SLC2A9: variants seen among roughly 807,000 people sequenced by gnomAD.
SLC2A9 encodes solute carrier family 2 member 9, also known as solute carrier family 2, facilitated glucose transporter member 9.
A neutral mutation model predicts 50.6 loss-of-function variants in SLC2A9; 39 were observed. The observed-to-expected ratio is 0.77, with a 90% CI of 0.60 to 1.01. The LOEUF (loss-of-function observed/expected upper bound fraction) is 1.01. SLC2A9 is among the 50% of genes least tolerant of loss of function. The pLI, the probability that SLC2A9 is intolerant of heterozygous loss-of-function variation, is 0.00. For synonymous variants in SLC2A9, 324 were observed against 276.9 expected (o/e 1.17, Z -1.69); for missense variants, 686 against 677.6 (o/e 1.01, Z -0.14).
At chr4:9,876,488 G>A (rs1284488974) in intron 10 of SLC2A9, among the ~76,000 whole-genome samples, 1 of 152,178 alleles carries the variant, frequency 6.6e-6, no homozygotes, top group Non-Finnish European at 1.5e-5. Context: ...CTACTCAGGA[G>A]GCTGAGGTGG....
chr4:9,873,961 G>A (rs1459791586), intron 10 of SLC2A9, among the ~76,000 whole-genome samples: 1 of 152,150 alleles, frequency 6.6e-6, no homozygotes, highest in Non-Finnish European at 1.5e-5. Flanking sequence ...ACACCAGTGT[G>A]ATAATGCTAT....
At chr4:9,915,846 C>T (rs1005370928) in intron 7 of SLC2A9, among the ~76,000 whole-genome samples, 82 of 152,170 alleles carry the variant, frequency 5.4e-4, no homozygotes, top group Admixed American at 5.4e-3. Context: ...GAAGTGATTT[C>T]AGGAGAATCT....
At chr4:9,902,143 T>A (rs1739750939) in intron 8 of SLC2A9, among the ~76,000 whole-genome samples, 1 of 144,656 alleles carries the variant, frequency 6.9e-6, no homozygotes, top group South Asian at 2.1e-4. Context: ...CTGACCACAA[T>A]ATTTAAAATG....
chr4:9,984,991 G>A (rs577368092), intron 4 of SLC2A9, among the ~76,000 whole-genome samples: 6 of 152,022 alleles, frequency 3.9e-5, no homozygotes, highest in African/African-American at 7.2e-5. Flanking sequence ...GCCTCCTTCC[G>A]CCTCTGAGAC....
chr4:10,032,624 C>T (rs1763971788), intron 1 of SLC2A9, among the ~76,000 whole-genome samples: 1 of 152,110 alleles, frequency 6.6e-6, no homozygotes, highest in South Asian at 2.1e-4. Flanking sequence ...CAAGTCAAGT[C>T]TACTAATAGT....
chr4:9,945,994 A>T (rs539718335), intron 5 of SLC2A9, among the ~76,000 whole-genome samples: 91 of 152,306 alleles, frequency 6.0e-4, no homozygotes, highest in African/African-American at 1.7e-3. Flanking sequence ...GGCATGTTTT[A>T]AAAAACCGCA....
chr4:10,013,547 T>G (rs1762123357), intron 2 of SLC2A9, among the ~76,000 whole-genome samples: 1 of 152,208 alleles, frequency 6.6e-6, no homozygotes, highest in Non-Finnish European at 1.5e-5. Flanking sequence ...TAGTGATAGC[T>G]GCCTTGCAAT....
At chr4:9,885,845 G>A (rs1342778931) in intron 10 of SLC2A9, among the ~76,000 whole-genome samples, 3 of 152,200 alleles carry the variant, frequency 2.0e-5, no homozygotes, top group Non-Finnish European at 2.9e-5. Flanking sequence ...CGTTATCTAT[G>A]GCTGTGTCCA....
At chr4:9,884,184 C>T (rs1735747439) in intron 10 of SLC2A9, among the ~76,000 whole-genome samples, 1 of 152,230 alleles carries the variant, frequency 6.6e-6, no homozygotes, top group Admixed American at 6.5e-5. Flanking sequence ...GTTACACTGA[C>T]TGATACATGC....
chr4:9,774,688 A>C (rs557752765), intron 1 of SLC2A9, among the ~76,000 whole-genome samples: 3 of 152,072 alleles, frequency 2.0e-5, no homozygotes, highest in Non-Finnish European at 4.4e-5. Context: ...AGGTCCAAAG[A>C]AATCATTTTC....
intron 1 of SLC2A9, among the ~76,000 whole-genome samples, chr4:10,033,981 C>A (rs927665089): frequency 5.3e-5 from 8 of 152,206 alleles, no homozygotes; most frequent in African/African-American, 1.9e-4. Flanking sequence ...CCTACTCTGT[C>A]CCCGGGGATG....
At chr4:10,030,532 G>A (rs939681207) in intron 1 of SLC2A9, among the ~76,000 whole-genome samples, 2 of 152,034 alleles carry the variant, frequency 1.3e-5, no homozygotes, top group African/African-American at 2.4e-5. Context: ...GCATCCTAAG[G>A]GGATGTTGCT....
In SLC2A9 at chr4:9,965,045, T is replaced by G. The variant is rs141529188; in HGVS notation, c.681+15547A>C. On this transcript the variant is annotated intron_variant, in intron 5 of 11. Coordinates refer to ENST00000264784, the MANE Select transcript of SLC2A9 (RefSeq NM_020041.3). ...TAAATGACGCGATGACTGACATCAA[T>G]TTGGCACCAGTTCCAGGCACTGTTC... is the stretch of plus-strand genomic sequence containing the variant. 3.0e-4 allele frequency among the ~76,000 whole-genome samples: 45 copies of G among 152,366 alleles called. No homozygotes were observed. In the East Asian group the frequency reaches 6.0e-3, roughly 20 times the overall value.
intron 10 of SLC2A9, 46 bp downstream of exon 10, chr4:9,887,521 G>A: frequency 6.6e-7 from 1 of 1,526,342 alleles, no homozygotes; most frequent in Non-Finnish European, 8.8e-7. Flanking sequence ...GCTTGGTGAT[G>A]CCATGAGTCC....
intron 6 of SLC2A9, among the ~76,000 whole-genome samples, chr4:9,927,310 C>T (rs1745089333): frequency 6.6e-6 from 1 of 152,252 alleles, no homozygotes. Context: ...AGCCACCACG[C>T]CCAACCCCAT....
At chr4:9,793,083 A>AT (rs200982892) in intron 3 of SLC2A9, among the ~76,000 whole-genome samples, 2,527 of 152,286 alleles carry the variant, frequency 0.017, 28 homozygotes, top group Admixed American at 0.024. Context: ...CATGTTGGTC[A>AT]TTTTTTAATG....
At chr4:9,963,858 C>A (rs1054430296) in intron 5 of SLC2A9, among the ~76,000 whole-genome samples, 1 of 152,188 alleles carries the variant, frequency 6.6e-6, no homozygotes, top group African/African-American at 2.4e-5. Context: ...CTTGGGGAAC[C>A]ACCTGCTTCA....
At chr4:9,909,408 C>T (rs1210868835) in intron 7 of SLC2A9, among the ~76,000 whole-genome samples, 3 of 152,200 alleles carry the variant, frequency 2.0e-5, no homozygotes, top group African/African-American at 7.2e-5. Flanking sequence ...AGACTGAAAA[C>T]CTTCCATCTT....
At position 9,936,665 on chromosome 4, in the gene SLC2A9, C is replaced by T. The variant is rs191586435; in HGVS notation, c.814+5248G>A. Among the ~76,000 whole-genome samples, 26 of 152,188 alleles carry T rather than the reference C, an allele frequency of 1.7e-4. No homozygotes were observed. In the East Asian group the frequency reaches 2.7e-3, roughly 16 times the overall value. ...TCCAGCTACAGAAGGGGCGGGAAGGCGCTCGACATGCTAGAGGGAGGAGAA... is the reference window on the plus strand; with the variant it reads ...TCCAGCTACAGAAGGGGCGGGAAGGTGCTCGACATGCTAGAGGGAGGAGAA... On this transcript the variant is annotated intron_variant, in intron 6 of 11. Coordinates refer to ENST00000264784, the MANE Select transcript of SLC2A9 (RefSeq NM_020041.3).
Sources: gnomAD v4.1 joint callset for allele counts (sites outside exome capture counted in the v4.1 genomes callset) on GRCh38, gnomAD v4.1.1 for gene constraint, MANE v1.5 for transcripts, NCBI Gene and HGNC (gene_info 2026-07-23, HGNC 2026-07-21) for gene names.